ACYP2: variants seen among roughly 807,000 people sequenced by gnomAD.
ACYP2 encodes acylphosphatase 2.
A neutral mutation model predicts 11.2 loss-of-function variants in ACYP2; 12 were observed. That is an observed-to-expected ratio of 1.08 (90% confidence interval 0.69 to 1.74). The LOEUF is 1.74. Among genes scored for constraint, ACYP2 ranks in the 40% most tolerant of loss-of-function variants. The pLI, the probability that ACYP2 is intolerant of heterozygous loss-of-function variation, is 0.00. For synonymous variants in ACYP2, 43 were observed against 32.2 expected, an observed-to-expected ratio of 1.33 and a Z score of -1.13; for missense variants, 134 against 101.9, an observed-to-expected ratio of 1.31 and a Z score of -1.35.
At chr2:54,028,286 CTTA>C (rs1674401875) in intron 2 of ACYP2, among the ~76,000 whole-genome samples, 1 of 151,988 alleles carries the variant, frequency 6.6e-6, no homozygotes. Flanking sequence ...TAATGTTTTT[CTTA>C]TTATTAGACT....
At chr2:54,251,946 T>A (rs910350143) in intron 6 of ACYP2, among the ~76,000 whole-genome samples, 4 of 152,196 alleles carry the variant, frequency 2.6e-5, no homozygotes, top group African/African-American at 9.7e-5. Flanking sequence ...TTCTGTTGCC[T>A]TGTGGGAATT....
chr2:54,025,043 A>G (rs1027602479), intron 2 of ACYP2, among the ~76,000 whole-genome samples: 1 of 152,156 alleles, frequency 6.6e-6, no homozygotes, highest in African/African-American at 2.4e-5. Context: ...AACCATGGAG[A>G]TGAAAGACCT....
chr2:54,282,590 C>T (rs1486146786), intron 6 of ACYP2, among the ~76,000 whole-genome samples: 2 of 152,144 alleles, frequency 1.3e-5, no homozygotes, highest in African/African-American at 4.8e-5. Context: ...AGAACAAAAA[C>T]ATTTGTTTTT....
At chr2:54,102,965 G>C (rs1039647005) in intron 4 of ACYP2, among the ~76,000 whole-genome samples, 4 of 152,144 alleles carry the variant, frequency 2.6e-5, no homozygotes, top group African/African-American at 9.7e-5. Context: ...TTTCCAAATT[G>C]TGTCCATCCC....
intron 2 of ACYP2, among the ~76,000 whole-genome samples, chr2:54,008,912 C>T (rs542242536): frequency 6.6e-6 from 1 of 152,014 alleles, no homozygotes; most frequent in Non-Finnish European, 1.5e-5. Context: ...CAGCACTTTC[C>T]GAGGCTGAGG....
chr2:54,005,740 G>C (rs1448992469), intron 2 of ACYP2, among the ~76,000 whole-genome samples: 1 of 152,144 alleles, frequency 6.6e-6, no homozygotes, highest in Non-Finnish European at 1.5e-5. Context: ...TTACAGTAAA[G>C]TCTTGAAATC....
At chr2:54,051,924 G>A (rs1202669562) in intron 3 of ACYP2, among the ~76,000 whole-genome samples, 1 of 152,092 alleles carries the variant, frequency 6.6e-6, no homozygotes, top group Non-Finnish European at 1.5e-5. Context: ...ATGCATTCCT[G>A]TAATCCCAGC....
chr2:54,103,669 T>C (rs991038420), intron 4 of ACYP2, among the ~76,000 whole-genome samples: 3 of 152,252 alleles, frequency 2.0e-5, no homozygotes, highest in African/African-American at 7.2e-5. Flanking sequence ...ATTTTCTTCC[T>C]ATTCTTCTAA....
chr2:54,103,934 T>G (rs1453132889), intron 4 of ACYP2, among the ~76,000 whole-genome samples: 1 of 152,174 alleles, frequency 6.6e-6, no homozygotes, highest in East Asian at 1.9e-4. Flanking sequence ...AGGAAATGCC[T>G]GCAGCTACAC....
intron 2 of ACYP2, among the ~76,000 whole-genome samples, chr2:54,037,164 G>A (rs953334109): frequency 1.3e-5 from 2 of 152,178 alleles, no homozygotes; most frequent in East Asian, 1.9e-4. Context: ...CCAGGTTGGA[G>A]TGCAGTGGTG....
intron 2 of ACYP2, among the ~76,000 whole-genome samples, chr2:53,983,193 T>C (rs1378614364): frequency 6.6e-6 from 1 of 152,030 alleles, no homozygotes; most frequent in Admixed American, 6.6e-5. Context: ...TGGAGAAGGA[T>C]GATTAGAAAT....
At chr2:54,206,726 T>G (rs933958801) in intron 6 of ACYP2, among the ~76,000 whole-genome samples, 1 of 152,194 alleles carries the variant, frequency 6.6e-6, no homozygotes, top group Non-Finnish European at 1.5e-5. Context: ...AAAATGTAAT[T>G]TAGAAATGCA....
At chr2:54,216,870 G>A (rs1685580538) in intron 6 of ACYP2, among the ~76,000 whole-genome samples, 1 of 152,100 alleles carries the variant, frequency 6.6e-6, no homozygotes, top group African/African-American at 2.4e-5. Flanking sequence ...TATAGCTACT[G>A]CACATTCTTG....
chr2:54,118,671 T>C (rs1350180424), intron 4 of ACYP2, among the ~76,000 whole-genome samples: 1 of 152,260 alleles, frequency 6.6e-6, no homozygotes, highest in African/African-American at 2.4e-5. Context: ...ATAATCAATT[T>C]GGACCAGCAG....
At chr2:54,166,022 T>A (rs1682952921) in intron 6 of ACYP2, among the ~76,000 whole-genome samples, 1 of 152,208 alleles carries the variant, frequency 6.6e-6, no homozygotes, top group Admixed American at 6.5e-5. Context: ...TTTGAAGTTT[T>A]ACATTCAGTT....
intron 2 of ACYP2, among the ~76,000 whole-genome samples, chr2:53,981,709 A>C (rs1045470442): frequency 2.6e-5 from 4 of 152,118 alleles, no homozygotes; most frequent in African/African-American, 9.7e-5. Context: ...AGTGTGAATC[A>C]GCCTTAGGTT....
At chr2:54,031,286 C>T (rs903706825) in intron 2 of ACYP2, among the ~76,000 whole-genome samples, 2 of 124,442 alleles carry the variant, frequency 1.6e-5, no homozygotes, top group African/African-American at 3.1e-5. Context: ...TCCCCCCACC[C>T]CACATCAGGC....
chr2:54,254,928 C>G, intron 6 of ACYP2: 1 of 1,610,490 alleles, frequency 6.2e-7, no homozygotes, highest in Non-Finnish European at 8.5e-7. Context: ...GTTAACCACA[C>G]TGGAACCCAA....
chr2:54,020,326 G>A (rs769527023), intron 2 of ACYP2, among the ~76,000 whole-genome samples: 7 of 152,088 alleles, frequency 4.6e-5, no homozygotes, highest in Non-Finnish European at 5.9e-5. Flanking sequence ...TCTGGGAGAG[G>A]AAGTATCAGT....
Sources: gnomAD v4.1 joint callset for allele counts (sites outside exome capture counted in the v4.1 genomes callset) on GRCh38, gnomAD v4.1.1 for gene constraint, MANE v1.5 for transcripts, NCBI Gene and HGNC (gene_info 2026-07-23, HGNC 2026-07-21) for gene names.